DSCAML1: variants seen among roughly 807,000 people sequenced by gnomAD.
DSCAML1 encodes cell adhesion molecule DSCAML1.
In DSCAML1, 38 loss-of-function variants were observed where a neutral mutation model predicts 200.5. That is an observed-to-expected ratio of 0.19 (90% CI 0.15 to 0.25). The LOEUF is 0.25. Among genes scored for constraint, DSCAML1 ranks in the 10% least tolerant of loss-of-function variants. The probability of loss-of-function intolerance (pLI) is 1.00; values close to 1 mark genes in which losing one functional copy is unlikely to be tolerated. For missense variants in DSCAML1, 2,223 were observed against 2,858.8 expected, an observed-to-expected ratio of 0.78 and a Z score of 5.07; for synonymous variants, 1,215 against 1,165.0, an observed-to-expected ratio of 1.04 and a Z score of -0.87.
chr11:117,774,233 T>G (rs748432029), intron 3 of DSCAML1, among the ~76,000 whole-genome samples: 2 of 152,214 alleles, frequency 1.3e-5, no homozygotes, highest in Non-Finnish European at 2.9e-5. Context: ...AGTGAGCTTT[T>G]ATTTACCCTG....
At chr11:117,749,521 T>C (rs1028928452) in intron 3 of DSCAML1, among the ~76,000 whole-genome samples, 10 of 152,220 alleles carry the variant, frequency 6.6e-5, no homozygotes, top group African/African-American at 2.4e-4. Flanking sequence ...AACAGCTTTA[T>C]AAGCCCTCTG....
In DSCAML1 at chr11:117,649,034, C is replaced by CCAT. The variant is rs2052574766; in HGVS notation, c.512-116513_512-116512insATG. Among the ~76,000 whole-genome samples, 6 of 123,110 alleles carry CCAT rather than the reference C, an allele frequency of 4.9e-5. No homozygotes were observed. The South Asian group carries it at 1.1e-3, about 22-fold the overall frequency. The allele number at this position is 123,110 out of a possible 152,430, so 80.8% of individuals were successfully genotyped here. A position where few individuals can be genotyped will look rare whatever the true frequency, so the allele number is the denominator to read the frequency against. On this transcript the variant is annotated intron_variant, in intron 3 of 32. Coordinates refer to ENST00000651296, the MANE Select transcript of DSCAML1 (RefSeq NM_020693.4). ...CTCTCCCTCTCGCTCTCTCTCTCTCCATATATATGTGTGTGTGTGTGTGTG... is the reference window on the plus strand; with the variant it reads ...CTCTCCCTCTCGCTCTCTCTCTCTCCCATATATATATGTGTGTGTGTGTGTGTG...
intron 3 of DSCAML1, among the ~76,000 whole-genome samples, chr11:117,605,307 G>C (rs1002435492): frequency 2.0e-5 from 3 of 152,018 alleles, no homozygotes; most frequent in Admixed American, 1.3e-4. Context: ...AGACTGGAAA[G>C]ATGGGGTTGA....
At chr11:117,737,606 A>G (rs908295512) in intron 3 of DSCAML1, among the ~76,000 whole-genome samples, 2 of 152,218 alleles carry the variant, frequency 1.3e-5, no homozygotes, top group East Asian at 1.9e-4. Flanking sequence ...CCGCTGATGT[A>G]TATGTTTAAG....
intron 3 of DSCAML1, among the ~76,000 whole-genome samples, chr11:117,694,624 C>T (rs868239871): frequency 1.1e-4 from 16 of 152,220 alleles, no homozygotes; most frequent in South Asian, 4.1e-4. Flanking sequence ...AAAGCTAGGT[C>T]TCTGGACCAT....
Position 117,437,020 on chromosome 11 carries a change from T to A in DSCAML1, c.4720+102A>T, listed in dbSNP as rs1028287893. On this transcript the variant is annotated intron_variant, in intron 26 of 32. Coordinates refer to ENST00000651296, the MANE Select transcript of DSCAML1 (RefSeq NM_020693.4). This position sits in a 1 kb window ranked among gnomAD's most constrained non-coding sequence, Gnocchi z 5.3. ...TTCCCCCACCTGCATTCCTGCCTGT[T>A]TTTCTATTAGTCTGTCTCTTTATGT... is the stretch of plus-strand genomic sequence containing the variant. 6.9e-7 allele frequency: 1 copy of A among 1,458,416 alleles called. No homozygotes were observed. Among genetic ancestry groups the A allele is most frequent in the Non-Finnish European group, 9.2e-7 (1 of 1,091,400 alleles). The allele number at this position is 1,458,416 out of a possible 1,614,324, so 90.3% of individuals were successfully genotyped here.
chr11:117,776,776 C>G lies in DSCAML1; in HGVS notation c.511+15G>C. On this transcript the variant is annotated intron_variant, in intron 3 of 32. Transcript: ENST00000651296. ...GGAGCACCTCTGTCTGCCGCAGCCCCGGGACGCTTCTTACCTGGGATGATG... is the reference window on the plus strand; with the variant it reads ...GGAGCACCTCTGTCTGCCGCAGCCCGGGGACGCTTCTTACCTGGGATGATG... 1 of 1,613,970 alleles carries G rather than the reference C, an allele frequency of 6.2e-7. No homozygotes were observed. The highest frequency in any genetic ancestry group is 8.5e-7 in the Non-Finnish European group (1 of 1,179,930).
intron 11 of DSCAML1, among the ~76,000 whole-genome samples, chr11:117,486,965 C>T (rs1446005023): frequency 4.2e-5 from 5 of 117,744 alleles, no homozygotes; most frequent in African/African-American, 9.5e-5. Context: ...GCTCTTGTTG[C>T]CCAGGCTAGA....
intron 17 of DSCAML1, among the ~76,000 whole-genome samples, chr11:117,462,240 T>C (rs908899740): frequency 6.6e-6 from 1 of 152,218 alleles, no homozygotes; most frequent in Admixed American, 6.5e-5. Flanking sequence ...ACCAAAAGGC[T>C]TGGTGTGATG....
chr11:117,727,228 G>T (rs1050616978), intron 3 of DSCAML1, among the ~76,000 whole-genome samples: 1 of 152,168 alleles, frequency 6.6e-6, no homozygotes, highest in Admixed American at 6.5e-5. Context: ...GATGATAAAA[G>T]TTCTGCCTCT....
intron 1 of DSCAML1, among the ~76,000 whole-genome samples, chr11:117,808,799 TTGG>T (rs1348943236): frequency 6.6e-6 from 1 of 152,162 alleles, no homozygotes; most frequent in East Asian, 1.9e-4. Flanking sequence ...AGCAGAAGCC[TTGG>T]TGAACACTGC....
At position 117,518,374 on chromosome 11, in the gene DSCAML1, A is replaced by G; in HGVS notation, c.1510+92T>C. 6.5e-7 allele frequency: 1 copy of G among 1,535,654 alleles called. No homozygotes were observed. Among genetic ancestry groups the G allele is most frequent in the Non-Finnish European group, 8.9e-7 (1 of 1,118,306 alleles). ...TACTAAAATCAAAATGACGATTAAT[A>G]ATAAGTACTAATCAGCACAAGAATA... On this transcript the variant is annotated intron_variant, in intron 7 of 32. Coordinates refer to ENST00000651296, the MANE Select transcript of DSCAML1 (RefSeq NM_020693.4). The surrounding 1 kb of genome is among the most constrained non-coding windows in gnomAD (Gnocchi z 6.3).
At chr11:117,524,058 G>A (rs182150561) in intron 5 of DSCAML1, among the ~76,000 whole-genome samples, 2 of 152,322 alleles carry the variant, frequency 1.3e-5, no homozygotes, top group East Asian at 3.9e-4. Flanking sequence ...GGGGGAAAGG[G>A]GTGAGCTGGG....
chr11:117,535,493 C>T (rs914792055), intron 3 of DSCAML1, among the ~76,000 whole-genome samples: 6 of 152,304 alleles, frequency 3.9e-5, no homozygotes, highest in Non-Finnish European at 5.9e-5. Flanking sequence ...GACCCCCACT[C>T]GGGGCTGTGG....
intron 3 of DSCAML1, among the ~76,000 whole-genome samples, chr11:117,547,032 G>A (rs921784377): frequency 6.6e-6 from 1 of 152,124 alleles, no homozygotes; most frequent in African/African-American, 2.4e-5. Context: ...TGCTGAGAGA[G>A]GAAGATGAAA....
chr11:117,440,998 A>T (rs1406672589), intron 21 of DSCAML1, among the ~76,000 whole-genome samples: 1 of 148,704 alleles, frequency 6.7e-6, no homozygotes, highest in African/African-American at 2.5e-5. Flanking sequence ...CTTGCAGAGG[A>T]TAGTTTGGTG....
chr11:117,747,192 G>T (rs143923647), intron 3 of DSCAML1, among the ~76,000 whole-genome samples: 1 of 152,092 alleles, frequency 6.6e-6, no homozygotes, highest in South Asian at 2.1e-4. Context: ...TTCCTCTTGC[G>T]GCCTCTGCCT....
In DSCAML1 at chr11:117,705,089, T is replaced by C. The variant is rs545509209; in HGVS notation, c.511+71702A>G. Among the ~76,000 whole-genome samples, 144 of 152,326 alleles carry C rather than the reference T, an allele frequency of 9.5e-4. 1 individual carries two copies. The highest frequency in any genetic ancestry group is 5.8e-3 in the South Asian group (28 of 4,826). On this transcript the variant is annotated intron_variant, in intron 3 of 32. Transcript: ENST00000651296. ...GGGGCGGGGAATGCAGATAAGCCCC[T>C]ACAATGCAGAATCTAAAAATAGTGT...
At chr11:117,459,852 G>A (rs1316690900) in intron 18 of DSCAML1, among the ~76,000 whole-genome samples, 3 of 152,264 alleles carry the variant, frequency 2.0e-5, no homozygotes, top group African/African-American at 7.2e-5. Flanking sequence ...AAAGGCCAAG[G>A]CAGAGGGCCT....
Sources: gnomAD v4.1 joint callset for allele counts (sites outside exome capture counted in the v4.1 genomes callset) on GRCh38, gnomAD v4.1.1 for gene constraint, Gnocchi (gnomAD v3.1) non-coding constraint, MANE v1.5 for transcripts, NCBI Gene and HGNC (gene_info 2026-07-23, HGNC 2026-07-21) for gene names.